FAM227B: variants seen among roughly 807,000 people sequenced by gnomAD.
FAM227B encodes family with sequence similarity 227 member B.
FAM227B carries 88 observed loss-of-function variants against 73.8 expected under a neutral mutation model. The ratio of observed to expected loss-of-function variants is 1.19; its 90% CI spans 1.00 to 1.42. The LOEUF (loss-of-function observed/expected upper bound fraction) is 1.42, where lower values mean the gene tolerates loss of function less well. Ranked by LOEUF, FAM227B falls within the 40% of genes most tolerant of loss-of-function variation. The probability of loss-of-function intolerance (pLI) is 0.00; values close to 1 mark genes in which losing one functional copy is unlikely to be tolerated. For synonymous variants in FAM227B, 210 were observed against 190.5 expected, an observed-to-expected ratio of 1.10 and a Z score of -0.84; for missense variants, 632 against 590.9, an observed-to-expected ratio of 1.07 and a Z score of -0.72.
chr15:49,543,980 G>A (rs2071456874), intron 9 of FAM227B, among the ~76,000 whole-genome samples: 2 of 152,010 alleles, frequency 1.3e-5, no homozygotes, highest in South Asian at 4.1e-4. Context: ...TGGCTTTGTG[G>A]GATTTTTGGT....
At chr15:49,605,518 C>T (rs2077459306) in intron 3 of FAM227B, among the ~76,000 whole-genome samples, 1 of 152,138 alleles carries the variant, frequency 6.6e-6, no homozygotes, top group Non-Finnish European at 1.5e-5. Flanking sequence ...TGGGGGTTGG[C>T]CTGGTGCTGG....
intron 9 of FAM227B, among the ~76,000 whole-genome samples, chr15:49,547,211 T>C (rs533558725): frequency 8.4e-4 from 127 of 152,076 alleles, no homozygotes; most frequent in African/African-American, 2.8e-3. Flanking sequence ...ATAAAATACT[T>C]TACAGACAAG....
intron 13 of FAM227B, chr15:49,366,671 C>G (rs1482398961): frequency 6.5e-7 from 1 of 1,527,436 alleles, no homozygotes; most frequent in East Asian, 2.2e-5. Context: ...GGACAGCCGC[C>G]GCTGCGGCCC....
intron 11 of FAM227B, among the ~76,000 whole-genome samples, chr15:49,435,469 A>G (rs2051017037): frequency 6.6e-6 from 1 of 151,642 alleles, no homozygotes; most frequent in Non-Finnish European, 1.5e-5. Flanking sequence ...CCTCTAATTC[A>G]TGAAGTATGC....
chr15:49,340,577 C>CTAAT (rs1254178133), intron 13 of FAM227B, among the ~76,000 whole-genome samples: 1 of 152,110 alleles, frequency 6.6e-6, no homozygotes, highest in Non-Finnish European at 1.5e-5. Flanking sequence ...GCCATCTTGC[C>CTAAT]AGCAAAGTCC....
chr15:49,429,058 G>A (rs1338010769), intron 11 of FAM227B, among the ~76,000 whole-genome samples: 1 of 151,960 alleles, frequency 6.6e-6, no homozygotes, highest in African/African-American at 2.4e-5. Context: ...TCTGAATATG[G>A]AGATGGTAAA....
chr15:49,478,868 C>T (rs1328982105), intron 11 of FAM227B, among the ~76,000 whole-genome samples: 4 of 151,932 alleles, frequency 2.6e-5, no homozygotes, highest in Non-Finnish European at 5.9e-5. Context: ...TTTAAAATCA[C>T]AAAGCTATTG....
chr15:49,409,818 T>C (rs1034847055), intron 11 of FAM227B, among the ~76,000 whole-genome samples: 9 of 152,244 alleles, frequency 5.9e-5, no homozygotes, highest in Admixed American at 3.9e-4. Context: ...CAACTTAATA[T>C]GACTGCATTA....
chr15:49,354,591 G>A (rs1170718173), intron 13 of FAM227B, among the ~76,000 whole-genome samples: 1 of 152,184 alleles, frequency 6.6e-6, no homozygotes, highest in Non-Finnish European at 1.5e-5. Flanking sequence ...GGCTGGAAGG[G>A]TCCTACGCCC....
intron 8 of FAM227B, among the ~76,000 whole-genome samples, chr15:49,571,376 T>C (rs1237149229): frequency 1.3e-5 from 2 of 152,024 alleles, no homozygotes; most frequent in Non-Finnish European, 2.9e-5. Context: ...CATTTGTCTA[T>C]TTTTTGCTTT....
At chr15:49,354,602 A>G (rs8034661) in intron 13 of FAM227B, among the ~76,000 whole-genome samples, 100,505 of 152,124 alleles carry the variant, frequency 0.66, 33,737 homozygotes, top group African/African-American at 0.74. Flanking sequence ...TCCTACGCCC[A>G]CGGAGTCTCG....
At chr15:49,372,325 A>G (rs1311356800) in intron 11 of FAM227B, among the ~76,000 whole-genome samples, 1 of 152,166 alleles carries the variant, frequency 6.6e-6, no homozygotes, top group Admixed American at 6.5e-5. Context: ...CTCGCAAACC[A>G]TTCAGTGAGC....
intron 11 of FAM227B, among the ~76,000 whole-genome samples, chr15:49,413,295 A>G (rs2048993159): frequency 6.6e-6 from 1 of 151,958 alleles, no homozygotes; most frequent in Non-Finnish European, 1.5e-5. Context: ...AAGGGGTTTC[A>G]GCTTTTGCTT....
intron 13 of FAM227B, among the ~76,000 whole-genome samples, chr15:49,354,465 G>A (rs200897806): frequency 0.022 from 3,363 of 151,638 alleles, 100 homozygotes; most frequent in South Asian, 0.075. Flanking sequence ...TTCCCTTTCC[G>A]AGTCAAAGAA....
chr15:49,553,132 G>A (rs1272313105), intron 9 of FAM227B, among the ~76,000 whole-genome samples: 1 of 152,172 alleles, frequency 6.6e-6, no homozygotes, highest in African/African-American at 2.4e-5. Context: ...ATACTTGAAA[G>A]AGCTTGGGTG....
intron 11 of FAM227B, among the ~76,000 whole-genome samples, chr15:49,463,652 A>G (rs912092272): frequency 2.6e-5 from 4 of 151,994 alleles, no homozygotes; most frequent in African/African-American, 9.7e-5. Context: ...TTCGCTGTGT[A>G]TAAGTTGCAA....
rs576217437 is a variant in FAM227B, at chr15:49,328,876, T to G, written c.1420-201A>C. The G allele has an allele frequency of 2.1e-4, 280 of 1,331,468 alleles. 2 individuals carry two copies. In the Admixed American group the frequency reaches 7.0e-3, roughly 33 times the overall value. The allele number at this position is 1,331,468 out of a possible 1,614,324, so 82.5% of individuals were successfully genotyped here. A position where few individuals can be genotyped will look rare whatever the true frequency, so the allele number is the denominator to read the frequency against. Reference sequence around the variant, plus strand: ...ATATAAATAACCACTTTCAATTCTTTTGGCCCTGAGCTATCTCCATTACTT... The same window carrying G: ...ATATAAATAACCACTTTCAATTCTTGTGGCCCTGAGCTATCTCCATTACTT... On this transcript the variant is annotated intron_variant, in intron 15 of 15. Coordinates refer to ENST00000299338, the MANE Select transcript of FAM227B (RefSeq NM_152647.3).
chr15:49,561,673 A>AGCTT (rs1461223453), intron 9 of FAM227B, among the ~76,000 whole-genome samples: 1 of 152,198 alleles, frequency 6.6e-6, no homozygotes, highest in African/African-American at 2.4e-5. Flanking sequence ...TGGAATAACA[A>AGCTT]CACAAATCAA....
At chr15:49,360,237 A>G (rs2043965486) in intron 13 of FAM227B, among the ~76,000 whole-genome samples, 1 of 86,808 alleles carries the variant, frequency 1.2e-5, no homozygotes, top group Admixed American at 9.5e-5. Flanking sequence ...CTTATAGTAT[A>G]AGGAAAAAAA....
Sources: gnomAD v4.1 joint callset for allele counts (sites outside exome capture counted in the v4.1 genomes callset) on GRCh38, gnomAD v4.1.1 for gene constraint, MANE v1.5 for transcripts, NCBI Gene and HGNC (gene_info 2026-07-23, HGNC 2026-07-21) for gene names.